The following RALGDS variants were observed in gnomAD, a reference collection of about 807,000 sequenced individuals.
RALGDS encodes ral guanine nucleotide exchange factor.
RALGDS carries 44 observed loss-of-function variants against 99.8 expected under a neutral mutation model. The observed-to-expected ratio is 0.44, with a 90% CI of 0.35 to 0.57. The LOEUF (loss-of-function observed/expected upper bound fraction) is 0.57. RALGDS is among the 20% of genes least tolerant of loss of function. The pLI, the probability that RALGDS is intolerant of heterozygous loss-of-function variation, is 0.01. For missense variants in RALGDS, 1,022 were observed against 1,203.1 expected (o/e 0.85, Z 2.23); for synonymous variants, 529 against 505.0 (o/e 1.05, Z -0.64).
Position 133,099,017 on chromosome 9 carries a change from G to GC in RALGDS, c.2570-256dup, listed in dbSNP as rs1830623941. On this transcript the variant is annotated intron_variant, in intron 17 of 17. Coordinates refer to ENST00000372050, the MANE Select transcript of RALGDS (RefSeq NM_006266.4). ...GAACCCCCCGGCTTGGCCTGAGCTG[G>GC]CAGAGGGTCACCCCGTCCTGCCCAT... The GC allele has an allele frequency of 1.6e-5, 8 of 495,420 alleles. No homozygotes were observed. The South Asian group carries it at 1.7e-4, about 10-fold the overall frequency. The allele number at this position is 495,420 out of a possible 1,614,324, so 30.7% of individuals were successfully genotyped here. A position where few individuals can be genotyped will look rare whatever the true frequency, so the allele number is the denominator to read the frequency against.
At chr9:133,129,088 G>GGGC in intron 1 of RALGDS, 2 of 1,512,356 alleles carry the variant, frequency 1.3e-6, no homozygotes, top group Non-Finnish European at 1.8e-6. Flanking sequence ...GCTCGGCGGT[G>GGGC]ACCCACCCAG....
rs1352281570 is a variant in RALGDS, at chr9:133,110,287, C to T, written c.488+9G>A. 6.2e-7 allele frequency: 1 copy of T among 1,612,374 alleles called. No homozygotes were observed. Among genetic ancestry groups the T allele is most frequent in the South Asian group, 1.1e-5 (1 of 91,044 alleles). On this transcript the variant is annotated intron_variant, in intron 3 of 17. Transcript: ENST00000372050. ...TGTGCACCCTGTGCAGTGGAGGGCTCATGCTCACCTTTTGAACAGCAGGTC... is the reference window on the plus strand; with the variant it reads ...TGTGCACCCTGTGCAGTGGAGGGCTTATGCTCACCTTTTGAACAGCAGGTC...
In RALGDS at chr9:133,109,185, C is replaced by A. The variant is rs1315640620; in HGVS notation, c.585-319G>T. On this transcript the variant is annotated intron_variant, in intron 4 of 17. Transcript: ENST00000372050. ...CAACTTGTAGCTCAGTGCTGGTGAGCTGCCTTACTCTCTCAGAGCTGTGTG... is the reference window on the plus strand; with the variant it reads ...CAACTTGTAGCTCAGTGCTGGTGAGATGCCTTACTCTCTCAGAGCTGTGTG... 3.3e-5 allele frequency among the ~76,000 whole-genome samples: 5 copies of A among 152,336 alleles called. No individual in the cohort carries two copies. In the East Asian group the frequency reaches 7.7e-4, roughly 24 times the overall value.
Position 133,106,669 on chromosome 9 carries a change from T to C in RALGDS, c.1493A>G (p.Lys498Arg). The change falls in exon 8 of 18, where the codon AAG (lysine) becomes AGG (arginine). Residue 498 changes from lysine (K) to arginine (R), a missense_variant. This residue lies in a region of RALGDS where 825 missense variants were observed against 994.5 expected (regional missense o/e 0.83). Coordinates refer to ENST00000372050, the MANE Select transcript of RALGDS (RefSeq NM_006266.4). Reference sequence around the variant, plus strand: ...CCTGGAAACGTCTTCCCACGTCTTCTTCAGACGGTGGATGGAGTTGCTCTG... The same window carrying C: ...CCTGGAAACGTCTTCCCACGTCTTCCTCAGACGGTGGATGGAGTTGCTCTG... ...ALQSNSIHRL[K>R]KTWEDVSRDS... 1 of 1,611,682 alleles carries C rather than the reference T, an allele frequency of 6.2e-7. No homozygotes were observed.
chr9:133,104,629 C>G, intron 9 of RALGDS: 1 of 396,700 alleles, frequency 2.5e-6, no homozygotes, highest in Non-Finnish European at 4.7e-6. Flanking sequence ...CTGGCCAACA[C>G]AGTGAAACCC....
chr9:133,100,932 A>G, intron 16 of RALGDS: 1 of 1,041,678 alleles, frequency 9.6e-7, no homozygotes, highest in Non-Finnish European at 1.2e-6. Flanking sequence ...ATAATGGGGC[A>G]CCTGACCCAG....
Position 133,102,833 on chromosome 9 carries a change from T to G in RALGDS, c.1859A>C (p.Asp620Ala). The change falls in exon 13 of 18, where the codon GAT becomes GCT. Residue 620 changes from aspartate to alanine, a missense_variant. Physicochemically the swap from Asp to Ala is moderately radical, Grantham distance 126. Coordinates refer to ENST00000372050, the MANE Select transcript of RALGDS (RefSeq NM_006266.4). ...SACNNYSIAP[D>A]EQFGAWFRAV... ...CCGGAACCAGGCCCCAAATTGCTCA[T>G]CTGGCGCGATGCTGTAGTTGTTGCA... The G allele has an allele frequency of 5.0e-6, 8 of 1,613,644 alleles. No individual in the cohort carries two copies. The highest frequency in any genetic ancestry group is 5.1e-6 in the Non-Finnish European group (6 of 1,179,974).
At chr9:133,138,223 C>T (rs1832457425) in intron 1 of RALGDS, among the ~76,000 whole-genome samples, 1 of 152,190 alleles carries the variant, frequency 6.6e-6, no homozygotes. Flanking sequence ...CCTTTGCCTG[C>T]AAGAAGTTCC....
Position 133,097,965 on chromosome 9 carries a change from G to A in RALGDS, c.*622C>T, listed in dbSNP as rs1000554802. The stretch of plus-strand genomic sequence containing the variant: ...TTGCAGTGGCATGAGATTCAACATC[G>A]ATGGGACTCAGCTGGGACTGTCCTC... On this transcript the variant is annotated 3_prime_UTR_variant, in exon 18 of 18. Coordinates refer to ENST00000372050, the MANE Select transcript of RALGDS (RefSeq NM_006266.4). The A allele has an allele frequency of 2.6e-5, 6 of 233,624 alleles. No homozygotes were observed. The highest frequency in any genetic ancestry group is 4.2e-5 in the Non-Finnish European group (5 of 118,380). 14.5% of individuals were successfully genotyped at this position (233,624 alleles called of 1,614,324 possible). A position where few individuals can be genotyped will look rare whatever the true frequency, so the allele number is the denominator to read the frequency against.
upstream of RALGDS, among the ~76,000 whole-genome samples, chr9:133,125,472 G>A (rs1452249691): frequency 6.6e-6 from 1 of 152,134 alleles, no homozygotes; most frequent in East Asian, 1.9e-4. Flanking sequence ...AGTGGCTCAC[G>A]CCTGTAATTC....
intron 3 of RALGDS, among the ~76,000 whole-genome samples, chr9:133,110,070 C>T (rs930898230): frequency 2.6e-5 from 4 of 152,214 alleles, no homozygotes; most frequent in African/African-American, 7.2e-5. Context: ...ACCACAGCCC[C>T]GCAGCCCATT....
At chr9:133,100,889 C>G (rs546930382) in intron 16 of RALGDS, 1 of 1,051,478 alleles carries the variant, frequency 9.5e-7, no homozygotes, top group Admixed American at 5.0e-5. Flanking sequence ...ACCATGCTAG[C>G]TCCTGGCAAT....
At chr9:133,142,097 G>A (rs1010292454) in intron 1 of RALGDS, among the ~76,000 whole-genome samples, 2 of 152,200 alleles carry the variant, frequency 1.3e-5, no homozygotes, top group African/African-American at 4.8e-5. Flanking sequence ...TCCAGGAAGC[G>A]GCCTCTGTTG....
intron 1 of RALGDS, chr9:133,130,862 C>T: frequency 7.7e-7 from 1 of 1,291,538 alleles, no homozygotes; most frequent in East Asian, 2.5e-5. Flanking sequence ...TCCATCCTGA[C>T]CTGGGGGCCA....
At chr9:133,112,663 A>C (rs1448000866) in intron 1 of RALGDS, among the ~76,000 whole-genome samples, 1 of 151,136 alleles carries the variant, frequency 6.6e-6, no homozygotes, top group Non-Finnish European at 1.5e-5. Context: ...CCTCACACTC[A>C]CCCCTCCTCT....
At chr9:133,101,479 G>A (rs755422481) in intron 16 of RALGDS, 41 bp downstream of exon 16, 149 of 1,608,472 alleles carry the variant, frequency 9.3e-5, no homozygotes, top group African/African-American at 1.9e-4. Context: ...TGCATTTGCC[G>A]CCAGTGGAGG....
chr9:133,112,714 C>T (rs1319997541), intron 1 of RALGDS, among the ~76,000 whole-genome samples: 1 of 152,212 alleles, frequency 6.6e-6, no homozygotes, highest in Admixed American at 6.5e-5. Flanking sequence ...CAGGAACGCA[C>T]AGCTCCTCTG....
At position 133,102,853 on chromosome 9, in the gene RALGDS, G is replaced by A. The variant is rs147833415; in HGVS notation, c.1839C>T (p.Asn613=). ...GCTCATCTGGCGCGATGCTGTAGTT[G>A]TTGCAGGCCGACTGCAGCAGCTTGA... is the stretch of plus-strand genomic sequence containing the variant. ...AQIKLLQSAC[N]NYSIAPDEQF... is the part of the protein sequence containing the mutation. Residue 613 remains asparagine, a synonymous_variant, in exon 13 of 18, where the codon AAC becomes AAT. Coordinates refer to ENST00000372050, the MANE Select transcript of RALGDS (RefSeq NM_006266.4). 1.6e-5 allele frequency: 26 copies of A among 1,613,546 alleles called. No individual in the cohort carries two copies. In the African/African-American group the frequency reaches 3.2e-4, roughly 20 times the overall value.
intron 1 of RALGDS, among the ~76,000 whole-genome samples, chr9:133,113,628 C>G (rs1039850438): frequency 5.3e-5 from 8 of 152,228 alleles, no homozygotes; most frequent in Admixed American, 2.6e-4. Flanking sequence ...CGCTCACCCC[C>G]CTTTTCCTGA....
Sources: gnomAD v4.1 joint callset for allele counts (sites outside exome capture counted in the v4.1 genomes callset) on GRCh38, gnomAD v4.1.1 for gene constraint, gnomAD v4.1.1 regional missense constraint, MANE v1.5 for transcripts, NCBI Gene and HGNC (gene_info 2026-07-23, HGNC 2026-07-21) for gene names.